SATB2: variants seen among roughly 807,000 people sequenced by gnomAD.
SATB2 encodes the protein SATB homeobox 2.
Under a neutral mutation model 73.4 loss-of-function variants are expected in SATB2, and 1 was observed. The observed-to-expected ratio is 0.01, with a 90% CI of 0.00 to 0.06. The LOEUF (loss-of-function observed/expected upper bound fraction) is 0.06, where lower values mean the gene tolerates loss of function less well. Among genes scored for constraint, SATB2 ranks in the 10% least tolerant of loss-of-function variants. The probability of loss-of-function intolerance (pLI) is 1.00; values close to 1 mark genes in which losing one functional copy is unlikely to be tolerated. For missense variants in SATB2, 459 were observed against 945.8 expected, an observed-to-expected ratio of 0.49 and a Z score of 6.75; for synonymous variants, 397 against 367.0, an observed-to-expected ratio of 1.08 and a Z score of -0.93.
intron 10 of SATB2, among the ~76,000 whole-genome samples, chr2:199,293,112 T>C (rs1379081526): frequency 1.3e-5 from 2 of 152,218 alleles, no homozygotes; most frequent in Non-Finnish European, 2.9e-5. Flanking sequence ...AATTTTTTTC[T>C]GTTCCCTGGA....
chr2:199,357,688 AT>A (rs1196764289), intron 6 of SATB2, among the ~76,000 whole-genome samples: 3 of 152,108 alleles, frequency 2.0e-5, no homozygotes, highest in African/African-American at 7.2e-5. Flanking sequence ...ATGTGCCTAT[AT>A]AATCAGTATA....
rs1692746015 is a variant in SATB2, at chr2:199,288,329, A to G, written c.1741-15657T>C. Among the ~76,000 whole-genome samples, 4 of 152,240 alleles carry G rather than the reference A, an allele frequency of 2.6e-5. No homozygotes were observed. The South Asian group carries it at 6.2e-4, about 24-fold the overall frequency. ...AACCAGTTTAGGATTTAAAATCCCC[A>G]TAACTACAATGGCACTAGTGACATC... On this transcript the variant is annotated intron_variant, in intron 10 of 10. Coordinates refer to ENST00000417098, the MANE Select transcript of SATB2 (RefSeq NM_001172509.2).
intron 7 of SATB2, chr2:199,347,044 T>C (rs1053140406): frequency 7.2e-5 from 11 of 151,948 alleles, no homozygotes; most frequent in African/African-American, 2.4e-4. Context: ...TTTGTTTTGT[T>C]CTGTTTTAGT....
chr2:199,339,650 G>T (rs1688447076), intron 7 of SATB2, among the ~76,000 whole-genome samples: 1 of 152,088 alleles, frequency 6.6e-6, no homozygotes, highest in Non-Finnish European at 1.5e-5. Context: ...TCTATGACTT[G>T]CTGGGTGCTT....
At chr2:199,372,802 G>T (rs975723922) in intron 5 of SATB2, among the ~76,000 whole-genome samples, 2 of 152,080 alleles carry the variant, frequency 1.3e-5, no homozygotes, top group Non-Finnish European at 2.9e-5. Context: ...GTGATCTCAG[G>T]CCCCTTATAC....
intron 9 of SATB2, among the ~76,000 whole-genome samples, chr2:199,309,906 A>G (rs944172030): frequency 6.6e-6 from 1 of 152,224 alleles, no homozygotes; most frequent in Non-Finnish European, 1.5e-5. Context: ...AACAAATTCT[A>G]TATCATCACT....
At chr2:199,433,311 G>C (rs767743750) in intron 3 of SATB2, 27 bp downstream of exon 3, 4 of 1,605,428 alleles carry the variant, frequency 2.5e-6, no homozygotes, top group South Asian at 1.1e-5. Flanking sequence ...CAAGAGACTT[G>C]GGAGGAGAGG....
intron 3 of SATB2, among the ~76,000 whole-genome samples, chr2:199,428,515 T>A (rs565885796): frequency 2.0e-5 from 3 of 152,294 alleles, no homozygotes; most frequent in South Asian, 2.1e-4. Flanking sequence ...TAGAGATAGA[T>A]CAATGGACTT....
intron 2 of SATB2, among the ~76,000 whole-genome samples, chr2:199,449,407 T>C (rs1479543346): frequency 6.6e-6 from 1 of 152,166 alleles, no homozygotes; most frequent in Non-Finnish European, 1.5e-5. Flanking sequence ...ATTCTGTTAA[T>C]TGAAACAAAT....
At chr2:199,470,083 G>A (rs2105973251), upstream of SATB2, 1 of 152,552 alleles carries the variant, frequency 6.6e-6, no homozygotes, top group Non-Finnish European at 1.5e-5. Flanking sequence ...CTGGTCACCC[G>A]GCTGGGAATC....
chr2:199,419,075 G>C (rs1294335485), intron 3 of SATB2, among the ~76,000 whole-genome samples: 3 of 152,148 alleles, frequency 2.0e-5, no homozygotes, highest in African/African-American at 7.2e-5. Flanking sequence ...AGAATCACCA[G>C]TACTACAAAC....
intron 3 of SATB2, among the ~76,000 whole-genome samples, chr2:199,420,995 G>A (rs1691149712): frequency 2.0e-5 from 3 of 152,052 alleles, no homozygotes; most frequent in Admixed American, 2.0e-4. Context: ...AATACTTACT[G>A]AAAACAAATA....
At chr2:199,430,101 C>CA (rs1261614131) in intron 3 of SATB2, among the ~76,000 whole-genome samples, 2 of 152,196 alleles carry the variant, frequency 1.3e-5, no homozygotes, top group African/African-American at 4.8e-5. Context: ...AATAGCTACT[C>CA]AACCAGTGGA....
At chr2:199,332,348 A>G (rs967835924) in intron 7 of SATB2, among the ~76,000 whole-genome samples, 1 of 152,122 alleles carries the variant, frequency 6.6e-6, no homozygotes, top group Admixed American at 6.6e-5. Context: ...CTCCAAAATA[A>G]TTCTTGGGTT....
chr2:199,349,225 A>G, intron 6 of SATB2, 52 bp from the exon 7 acceptor site: 1 of 1,331,642 alleles, frequency 7.5e-7, no homozygotes, highest in Non-Finnish European at 1.1e-6. Context: ...GGTACAATTT[A>G]TTGCTAATAT....
At chr2:199,335,432 G>C (rs1206702922) in intron 7 of SATB2, among the ~76,000 whole-genome samples, 1 of 152,138 alleles carries the variant, frequency 6.6e-6, no homozygotes, top group Non-Finnish European at 1.5e-5. Flanking sequence ...ACTGCAATTG[G>C]AAATACTTTC....
rs569547025 is a variant in SATB2 at position 199,430,113 on chromosome 2, T to A, written c.346+3225A>T. Among the ~76,000 whole-genome samples the A allele has an allele frequency of 5.9e-5, 9 of 152,262 alleles. No homozygotes were observed. The East Asian group carries it at 1.4e-3, about 23-fold the overall frequency. Reference sequence around the variant, plus strand: ...ATGAATAGCTACTCAACCAGTGGACTCCAGAAATCTCTGGACAGTGTGGGG... The same window carrying A: ...ATGAATAGCTACTCAACCAGTGGACACCAGAAATCTCTGGACAGTGTGGGG... On this transcript the variant is annotated intron_variant, in intron 3 of 10. Coordinates refer to ENST00000417098, the MANE Select transcript of SATB2 (RefSeq NM_001172509.2).
intron 3 of SATB2, among the ~76,000 whole-genome samples, chr2:199,424,913 T>C (rs189926261): frequency 1.4e-3 from 211 of 152,328 alleles, no homozygotes; most frequent in African/African-American, 4.9e-3. Context: ...GTAACAGCAC[T>C]ATTGAAAAAT....
intron 2 of SATB2, among the ~76,000 whole-genome samples, chr2:199,436,242 T>C (rs1054514973): frequency 4.6e-5 from 7 of 152,194 alleles, no homozygotes; most frequent in Non-Finnish European, 1.0e-4. Context: ...CAGTTAGATA[T>C]GAAATATAAC....
Sources: gnomAD v4.1 joint callset for allele counts (sites outside exome capture counted in the v4.1 genomes callset) on GRCh38, gnomAD v4.1.1 for gene constraint, MANE v1.5 for transcripts, NCBI Gene and HGNC (gene_info 2026-07-23, HGNC 2026-07-21) for gene names.